The following IPO8 variants were observed in gnomAD, a reference collection of about 807,000 sequenced individuals.
The protein encoded by IPO8 is importin 8, also known as importin-8.
IPO8 carries 65 observed loss-of-function variants against 141.2 expected under a neutral mutation model. The observed-to-expected ratio is 0.46, with a 90% CI of 0.38 to 0.57. The LOEUF (loss-of-function observed/expected upper bound fraction) is 0.57, where lower values mean the gene tolerates loss of function less well. Ranked by LOEUF, IPO8 falls within the 20% of genes least tolerant of loss-of-function variation. IPO8 has a pLI of 0.00. For synonymous variants in IPO8, 411 were observed against 420.3 expected (o/e 0.98, Z 0.27); for missense variants, 980 against 1,246.8 (o/e 0.79, Z 3.22).
In IPO8 at chr12:30,658,967, G is replaced by A. The variant is rs533443964; in HGVS notation, c.1881+2174C>T. Among the ~76,000 whole-genome samples the A allele has an allele frequency of 1.0e-4, 14 of 136,560 alleles. 1 individual carries two copies. The highest frequency in any genetic ancestry group is 3.3e-4 in the African/African-American group (12 of 35,964). The allele number at this position is 136,560 out of a possible 152,430, so 89.6% of individuals were successfully genotyped here. A position where few individuals can be genotyped will look rare whatever the true frequency, so the allele number is the denominator to read the frequency against. On this transcript the variant is annotated intron_variant, in intron 16 of 24. Coordinates refer to ENST00000256079, the MANE Select transcript of IPO8 (RefSeq NM_006390.4). The stretch of plus-strand genomic sequence containing the variant: ...ATGATCTCGGCTCATTGCGAGCTCC[G>A]CCTCCCGGGTTCATGCCATTCTCCT...
chr12:30,640,937 T>C (rs1022494588), intron 20 of IPO8, among the ~76,000 whole-genome samples: 4 of 152,196 alleles, frequency 2.6e-5, no homozygotes, highest in African/African-American at 9.6e-5. Context: ...CTACACATTG[T>C]ATCAAAACAT....
chr12:30,661,076 G>A, intron 16 of IPO8, 65 bp downstream of exon 16: 2 of 1,209,322 alleles, frequency 1.7e-6, no homozygotes, highest in Non-Finnish European at 2.2e-6. Flanking sequence ...AAAATTCATG[G>A]CCACTGATCA....
Position 30,663,620 on chromosome 12 carries a change from T to C in IPO8, c.1463A>G (p.Lys488Arg). ...CWVLHAFSSL[K>R]FHNELNLRNA... ...TCTTAGATTGAGCTCATTATGGAAC[T>C]TCAAAGAACTAAATGCATGAAGTAC... The change falls in exon 14 of 25, where the codon AAG becomes AGG. Residue 488 changes from lysine (K) to arginine (R), a missense_variant. Lys to Arg is a conservative substitution (Grantham distance 26). This residue lies in a region of IPO8 where 924 missense variants were observed against 1,153.9 expected (regional missense o/e 0.80). Coordinates refer to ENST00000256079, the MANE Select transcript of IPO8 (RefSeq NM_006390.4). 6.2e-7 allele frequency: 1 copy of C among 1,612,070 alleles called. No homozygotes were observed. Among genetic ancestry groups the C allele is most frequent in the Non-Finnish European group, 8.5e-7 (1 of 1,179,700 alleles).
intron 12 of IPO8, 81 bp from the exon 13 acceptor site, chr12:30,665,390 C>T (rs568899539): frequency 1.2e-6 from 1 of 827,554 alleles, no homozygotes; most frequent in African/African-American, 1.7e-5. Context: ...TTTACTATGA[C>T]TTGCATTTAA....
chr12:30,668,065 G>C (rs1289410919), intron 10 of IPO8, among the ~76,000 whole-genome samples: 2 of 151,982 alleles, frequency 1.3e-5, no homozygotes, highest in Non-Finnish European at 2.9e-5. Context: ...AAAAAAGAGA[G>C]AGAGAGAGAG....
Position 30,695,486 on chromosome 12 carries a change from C to G in IPO8, c.84+78G>C. The G allele has an allele frequency of 7.8e-7, 1 of 1,283,948 alleles. No homozygotes were observed. Among genetic ancestry groups the G allele is most frequent in the Admixed American group, 1.7e-5 (1 of 57,312 alleles). The allele number at this position is 1,283,948 out of a possible 1,614,324, so 79.5% of individuals were successfully genotyped here. A position where few individuals can be genotyped will look rare whatever the true frequency, so the allele number is the denominator to read the frequency against. On this transcript the variant is annotated intron_variant, in intron 1 of 24. Transcript: ENST00000256079. This position sits in a 1 kb window ranked among gnomAD's most constrained non-coding sequence, Gnocchi z 4.2. ...GCCCGGTGGGGGTGAGGACGAGGGG[C>G]GCCGGGGAGAGGGAGCCCGGCCAGC...
chr12:30,692,024 G>A (rs551760503), intron 1 of IPO8, among the ~76,000 whole-genome samples: 60 of 152,196 alleles, frequency 3.9e-4, no homozygotes, highest in Non-Finnish European at 7.6e-4. Context: ...TCTAACAACC[G>A]TTGATAGGAG....
At chr12:30,668,556 T>C (rs975127667) in intron 10 of IPO8, among the ~76,000 whole-genome samples, 23 of 152,208 alleles carry the variant, frequency 1.5e-4, no homozygotes, top group African/African-American at 5.5e-4. Context: ...CTGAGAAAGC[T>C]TCTAAGTTGT....
At chr12:30,643,396 G>A (rs2052599907) in intron 20 of IPO8, among the ~76,000 whole-genome samples, 1 of 152,204 alleles carries the variant, frequency 6.6e-6, no homozygotes, top group African/African-American at 2.4e-5. Flanking sequence ...TGAGTGCATT[G>A]TAATGGTAAC....
At chr12:30,673,254 A>G (rs1333518542) in intron 8 of IPO8, among the ~76,000 whole-genome samples, 1 of 152,092 alleles carries the variant, frequency 6.6e-6, no homozygotes, top group Non-Finnish European at 1.5e-5. Flanking sequence ...GTGAGACTCC[A>G]TCTCAAAAAA....
intron 16 of IPO8, among the ~76,000 whole-genome samples, chr12:30,657,299 C>T (rs2136144732): frequency 6.6e-6 from 1 of 152,110 alleles, no homozygotes; most frequent in South Asian, 2.1e-4. Context: ...ATAATCTTTG[C>T]CTGTGTTTAT....
rs753493399 is a variant in IPO8, at chr12:30,670,943, G to A, written c.1044+19C>T. 3 of 1,598,104 alleles carry A rather than the reference G, an allele frequency of 1.9e-6. No homozygotes were observed. The highest frequency in any genetic ancestry group is 2.7e-5 in the African/African-American group (2 of 74,438). The stretch of plus-strand genomic sequence containing the variant: ...TTTAACCAGAGAATAATTTTGGAGA[G>A]CTGCTCTCTGACACTAACCTGTATG... On this transcript the variant is annotated intron_variant, in intron 9 of 24. Coordinates refer to ENST00000256079, the MANE Select transcript of IPO8 (RefSeq NM_006390.4).
intron 5 of IPO8, 48 bp from the exon 6 acceptor site, chr12:30,676,635 A>C: frequency 1.5e-6 from 2 of 1,362,200 alleles, no homozygotes; most frequent in Non-Finnish European, 2.1e-6. Context: ...CCATCCAAAA[A>C]AATCAGCAAT....
chr12:30,659,370 C>T (rs557115565), intron 16 of IPO8, among the ~76,000 whole-genome samples: 5 of 151,990 alleles, frequency 3.3e-5, no homozygotes, highest in East Asian at 3.9e-4. Context: ...GGCAGCTACT[C>T]GGGAGGCTGA....
Position 30,669,199 on chromosome 12 carries a change from A to G in IPO8, c.1128T>C (p.Tyr376=). 1.3e-6 allele frequency: 2 copies of G among 1,549,374 alleles called. No individual in the cohort carries two copies. The highest frequency in any genetic ancestry group is 1.8e-6 in the Non-Finnish European group (2 of 1,130,960). Residue 376 remains tyrosine, a synonymous_variant, in exon 10 of 25, where the codon TAT becomes TAC. Coordinates refer to ENST00000256079, the MANE Select transcript of IPO8 (RefSeq NM_006390.4). ...EELWQEDPYE[Y]IRMKFDIFED... is the part of the protein sequence containing the mutation. ...CTCAATTACCAAATTTCATCCTTAT[A>G]TACTCATATGGATCTTCTTGCCACA...
rs532817812 is a variant in IPO8 at position 30,636,728 on chromosome 12, A to G, written c.2695+254T>C. On this transcript the variant is annotated intron_variant, in intron 22 of 24. Coordinates refer to ENST00000256079, the MANE Select transcript of IPO8 (RefSeq NM_006390.4). ...TTTGATTGTTATAAATGTGTTTCCT[A>G]ATGTGTAACAGCATCTATTAGGCTC... Among the ~76,000 whole-genome samples, 15 of 152,252 alleles carry G rather than the reference A, an allele frequency of 9.9e-5. No homozygotes were observed. The East Asian group carries it at 2.9e-3, about 29-fold the overall frequency.
At chr12:30,650,213 C>G (rs1028462100) in intron 19 of IPO8, among the ~76,000 whole-genome samples, 3 of 151,814 alleles carry the variant, frequency 2.0e-5, no homozygotes, top group African/African-American at 7.2e-5. Flanking sequence ...AGATGATTTT[C>G]TAGAAAAATA....
At chr12:30,634,043 A>G (rs774256450) in intron 23 of IPO8, 40 bp downstream of exon 23, 3 of 1,507,630 alleles carry the variant, frequency 2.0e-6, no homozygotes, top group Admixed American at 1.8e-5. Context: ...AAGAGTTTAG[A>G]AAAAAAAATA....
At chr12:30,661,006 T>C (rs2052878771) in intron 16 of IPO8, 135 bp downstream of exon 16, 1 of 428,206 alleles carries the variant, frequency 2.3e-6, no homozygotes, top group Non-Finnish European at 4.0e-6. Context: ...CCATAAAATG[T>C]GAGGGCAATT....
Sources: allele counts gnomAD v4.1 joint callset (sites outside exome capture counted in the v4.1 genomes callset), GRCh38; gene constraint gnomAD v4.1.1; regional missense constraint gnomAD v4.1.1; non-coding constraint Gnocchi (gnomAD v3.1); transcripts MANE v1.5; gene names NCBI Gene and HGNC (gene_info 2026-07-23, HGNC 2026-07-21).